ADGRV1: variants seen among roughly 807,000 people sequenced by gnomAD.
The protein encoded by ADGRV1 is G-protein coupled receptor 98.
Under a neutral mutation model 596.2 loss-of-function variants are expected in ADGRV1, and 359 were observed. The observed-to-expected ratio is 0.60, with a 90% CI of 0.55 to 0.66. The LOEUF is 0.66. Among genes scored for constraint, ADGRV1 ranks in the 30% least tolerant of loss-of-function variants. The probability of loss-of-function intolerance (pLI) is 0.00; values close to 1 mark genes in which losing one functional copy is unlikely to be tolerated. For synonymous variants in ADGRV1, 2,681 were observed against 2,679.2 expected, an observed-to-expected ratio of 1.00 and a Z score of -0.02; for missense variants, 7,274 against 7,575.6, an observed-to-expected ratio of 0.96 and a Z score of 1.48.
At chr5:90,617,573 G>T (rs780856905) in intron 2 of ADGRV1, 2 of 341,390 alleles carry the variant, frequency 5.9e-6, no homozygotes, top group Non-Finnish European at 5.4e-6. Flanking sequence ...CTCCCAAAGT[G>T]CTGGGATTAC....
chr5:90,571,951 A>G (rs1275446048), intron 1 of ADGRV1, among the ~76,000 whole-genome samples: 2 of 152,166 alleles, frequency 1.3e-5, no homozygotes, highest in Non-Finnish European at 2.9e-5. Context: ...TTCTGCAAGC[A>G]TTGATTCTGA....
At chr5:91,072,256 T>C (rs1442897114) in intron 85 of ADGRV1, among the ~76,000 whole-genome samples, 191 bp from the exon 86 acceptor site, 1 of 152,250 alleles carries the variant, frequency 6.6e-6, no homozygotes, top group Non-Finnish European at 1.5e-5. Flanking sequence ...GGGAACCTAC[T>C]GTGTGAAGCA....
At position 90,720,002 on chromosome 5, in the gene ADGRV1, A is replaced by G. The variant is rs779328348; in HGVS notation, c.9448-46A>G. ...GTAGATTTCGCTATATATGTGTTAC[A>G]AAAATACTGTATTCTAGTAACCTTA... On this transcript the variant is annotated intron_variant, in intron 43 of 89. Transcript: ENST00000405460. 1.3e-5 allele frequency: 20 copies of G among 1,502,618 alleles called. No homozygotes were observed. In the East Asian group the frequency reaches 2.0e-4, roughly 15 times the overall value. 93.1% of individuals were successfully genotyped at this position (1,502,618 alleles called of 1,614,324 possible).
chr5:91,000,668 C>CTGTGTGTGTGTGTGTGTGTGTG (rs6149110), intron 85 of ADGRV1, among the ~76,000 whole-genome samples: 15 of 141,252 alleles, frequency 1.1e-4, no homozygotes, highest in South Asian at 2.3e-4. Context: ...CTTACAGGAT[C>CTGTGTGTGTGTGTGTGTGTGTG]TGTGTGTGTG....
intron 83 of ADGRV1, among the ~76,000 whole-genome samples, chr5:90,879,342 T>C: frequency 6.6e-6 from 1 of 152,148 alleles, no homozygotes; most frequent in East Asian, 1.9e-4. Context: ...GAAGTATCAG[T>C]ACACAGGGTG....
At position 90,721,076 on chromosome 5, in the gene ADGRV1, A is replaced by G. The variant is rs2149772196; in HGVS notation, c.9748+17A>G. The G allele has an allele frequency of 6.2e-7, 1 of 1,604,664 alleles. No homozygotes were observed. The highest frequency in any genetic ancestry group is 8.5e-7 in the Non-Finnish European group (1 of 1,175,442). ...TTGGCATGAGTATGTTTCATTTCTTATGAGAACAAAATTCTGTAACGAAAA... is the reference window on the plus strand; with the variant it reads ...TTGGCATGAGTATGTTTCATTTCTTGTGAGAACAAAATTCTGTAACGAAAA... On this transcript the variant is annotated intron_variant, in intron 45 of 89. Transcript: ENST00000405460.
At chr5:91,127,270 T>C (rs1209939771) in intron 87 of ADGRV1, among the ~76,000 whole-genome samples, 1 of 152,190 alleles carries the variant, frequency 6.6e-6, no homozygotes, top group African/African-American at 2.4e-5. Context: ...GCTGGCCTAG[T>C]GGCTCATGCC....
At chr5:91,136,055 A>C (rs13161782) in intron 87 of ADGRV1, among the ~76,000 whole-genome samples, 15,902 of 152,074 alleles carry the variant, frequency 0.1, 849 homozygotes, top group South Asian at 0.19. Flanking sequence ...GTATGCTTGG[A>C]GTGGGGAATC....
chr5:91,025,207 T>C (rs1046179485), intron 85 of ADGRV1, among the ~76,000 whole-genome samples: 1 of 152,170 alleles, frequency 6.6e-6, no homozygotes, highest in Non-Finnish European at 1.5e-5. Flanking sequence ...ACTCTTTCTC[T>C]TATTCACAGT....
At chr5:90,854,881 C>G (rs1236545904) in intron 81 of ADGRV1, among the ~76,000 whole-genome samples, 2 of 152,130 alleles carry the variant, frequency 1.3e-5, no homozygotes, top group South Asian at 2.1e-4. Flanking sequence ...GTTTGGTAAC[C>G]AACTTTCCTC....
rs908495387 is a variant in ADGRV1, at chr5:90,706,251, A to G, written c.8587A>G (p.Thr2863Ala). 6.2e-7 allele frequency: 1 copy of G among 1,612,228 alleles called. No individual in the cohort carries two copies. The highest frequency in any genetic ancestry group is 1.7e-4 in the Middle Eastern group (1 of 6,050). Residue 2863 changes from threonine (T) to alanine (A), a missense_variant, in exon 38 of 90, where the codon ACC becomes GCC. Physicochemically the swap from Thr to Ala is moderately conservative, Grantham distance 58. Around this residue, in one of 5 missense-constraint regions of ADGRV1, gnomAD observed 3,643 missense variants for 3,809.2 expected, o/e 0.96. Coordinates refer to ENST00000405460, the MANE Select transcript of ADGRV1 (RefSeq NM_032119.4). ...ATTAGGAGCTATCAATGTCACATAT[A>G]CCACGGTTCCTGGAATGCTGAGTCT... ...GSLGAINVTYTTVPGMLSLKN... is the reference protein window; with the variant it reads ...GSLGAINVTYATVPGMLSLKN...
At chr5:90,936,695 G>A (rs1001218479) in intron 83 of ADGRV1, among the ~76,000 whole-genome samples, 3 of 151,620 alleles carry the variant, frequency 2.0e-5, no homozygotes, top group Non-Finnish European at 4.4e-5. Flanking sequence ...AAGTATCACC[G>A]TAGCTGCTTT....
rs1011409523 is a variant in ADGRV1 at position 90,722,816 on chromosome 5, T to C, written c.9748+1757T>C. On this transcript the variant is annotated intron_variant, in intron 45 of 89. Transcript: ENST00000405460. Reference sequence around the variant, plus strand: ...GCTATATATATTGTATTTGAAGTCATGGAAATTGATGTAATAATCTGAAAA... The same window carrying C: ...GCTATATATATTGTATTTGAAGTCACGGAAATTGATGTAATAATCTGAAAA... Among the ~76,000 whole-genome samples, 7 of 143,134 alleles carry C rather than the reference T, an allele frequency of 4.9e-5. No individual in the cohort carries two copies. In the South Asian group the frequency reaches 1.6e-3, roughly 32 times the overall value. The allele number at this position is 143,134 out of a possible 152,430, so 93.9% of individuals were successfully genotyped here.
chr5:90,962,817 G>C (rs1259833128), intron 83 of ADGRV1, among the ~76,000 whole-genome samples: 1 of 152,146 alleles, frequency 6.6e-6, no homozygotes, highest in Non-Finnish European at 1.5e-5. Flanking sequence ...TTTAGAAAAG[G>C]AGATTAGAGT....
intron 1 of ADGRV1, among the ~76,000 whole-genome samples, chr5:90,575,410 G>A (rs956603732): frequency 2.0e-5 from 3 of 151,846 alleles, no homozygotes; most frequent in African/African-American, 7.3e-5. Context: ...TATGCATCAC[G>A]CCCAGCTAAT....
chr5:90,794,632 C>T (rs1315555159), intron 70 of ADGRV1, among the ~76,000 whole-genome samples: 2 of 152,100 alleles, frequency 1.3e-5, no homozygotes, highest in Non-Finnish European at 1.5e-5. Flanking sequence ...GTTAAGGTAC[C>T]ATAAATCGTT....
chr5:90,636,891 A>C (rs1766284785), intron 10 of ADGRV1, among the ~76,000 whole-genome samples: 1 of 152,192 alleles, frequency 6.6e-6, no homozygotes, highest in African/African-American at 2.4e-5. Context: ...TCTAGCATTA[A>C]ATATTCCTTT....
intron 76 of ADGRV1, among the ~76,000 whole-genome samples, chr5:90,824,412 G>T (rs900362868): frequency 1.3e-5 from 2 of 152,248 alleles, no homozygotes; most frequent in African/African-American, 2.4e-5. Context: ...ATGTACTACA[G>T]CTATATAGGA....
chr5:90,693,440 T>C (rs1233161281), intron 32 of ADGRV1, among the ~76,000 whole-genome samples: 1 of 152,188 alleles, frequency 6.6e-6, no homozygotes, highest in Non-Finnish European at 1.5e-5. Context: ...TTTTAAAGTT[T>C]GTATTTTTTA....
Sources: gnomAD v4.1 joint callset for allele counts (sites outside exome capture counted in the v4.1 genomes callset) on GRCh38, gnomAD v4.1.1 for gene constraint, gnomAD v4.1.1 regional missense constraint, MANE v1.5 for transcripts, NCBI Gene and HGNC (gene_info 2026-07-23, HGNC 2026-07-21) for gene names.